The following TBCK variants were observed in gnomAD, a reference collection of about 807,000 sequenced individuals.
TBCK encodes the protein TBC1 domain containing kinase.
TBCK carries 99 observed loss-of-function variants against 113.4 expected under a neutral mutation model. The ratio of observed to expected loss-of-function variants is 0.87; its 90% CI spans 0.74 to 1.03. TBCK has a LOEUF of 1.03. Among genes scored for constraint, TBCK ranks in the 50% least tolerant of loss-of-function variants. TBCK has a pLI of 0.00. For missense variants in TBCK, 1,045 were observed against 1,061.3 expected (o/e 0.98, Z 0.21); for synonymous variants, 369 against 370.8 (o/e 1.00, Z 0.05).
chr4:106,294,567 C>T (rs948179634), intron 3 of TBCK, among the ~76,000 whole-genome samples: 5 of 152,032 alleles, frequency 3.3e-5, no homozygotes, highest in Non-Finnish European at 5.9e-5. Context: ...CCGTAAGCTC[C>T]GCCTCCTGGG....
intron 22 of TBCK, among the ~76,000 whole-genome samples, chr4:106,173,824 T>C (rs936706079): frequency 1.3e-5 from 2 of 152,084 alleles, no homozygotes; most frequent in Admixed American, 6.6e-5. Flanking sequence ...CAATTACTCC[T>C]ACAAAGTAAT....
At chr4:106,110,629 A>G (rs1367432958) in intron 24 of TBCK, among the ~76,000 whole-genome samples, 1 of 152,186 alleles carries the variant, frequency 6.6e-6, no homozygotes, top group Non-Finnish European at 1.5e-5. Context: ...GAGATCTGGG[A>G]ACAAGTGGGT....
chr4:106,251,973 G>A lies in TBCK; in HGVS notation c.490C>T (p.Gln164Ter). ...TGATCAGTGGTTTTGAAAATTCCCT[G>A]TGCAATTACCTCAGGGGCCAAGTAC... Reference protein sequence around the residue: ...PSYLAPEVIAQGIFKTTDHMP... With the variant: ...PSYLAPEVIA The change falls in exon 6 of 26, where the codon CAG (glutamine) becomes TAG (stop). Residue 164 changes from glutamine to a stop codon, truncating the protein, a stop_gained. Transcript: ENST00000394708. LOFTEE classifies it high-confidence loss of function. 3 of 1,611,308 alleles carry A rather than the reference G, an allele frequency of 1.9e-6. No individual in the cohort carries two copies. The highest frequency in any genetic ancestry group is 2.5e-6 in the Non-Finnish European group (3 of 1,178,292).
intron 2 of TBCK, among the ~76,000 whole-genome samples, chr4:106,303,640 G>C (rs905929706): frequency 6.6e-6 from 1 of 152,078 alleles, no homozygotes; most frequent in Non-Finnish European, 1.5e-5. Flanking sequence ...GCCATGATAG[G>C]ACTTAGGGTC....
chr4:106,149,378 G>A (rs1748214997), intron 23 of TBCK, among the ~76,000 whole-genome samples: 2 of 152,174 alleles, frequency 1.3e-5, no homozygotes, highest in Non-Finnish European at 2.9e-5. Context: ...TCCTCACTAA[G>A]CTTAATCATT....
intron 23 of TBCK, among the ~76,000 whole-genome samples, chr4:106,157,784 T>G (rs546492084): frequency 6.6e-6 from 1 of 152,260 alleles, no homozygotes; most frequent in East Asian, 1.9e-4. Context: ...TTGGTTCTTA[T>G]GAAGGTGCTT....
At chr4:106,079,122 A>T (rs911100635) in intron 25 of TBCK, among the ~76,000 whole-genome samples, 6 of 152,342 alleles carry the variant, frequency 3.9e-5, no homozygotes, top group South Asian at 2.1e-4. Flanking sequence ...AAAATTAAAC[A>T]TCCCTTCATG....
intron 19 of TBCK, among the ~76,000 whole-genome samples, chr4:106,224,442 C>T (rs946217678): frequency 3.3e-4 from 50 of 151,808 alleles, no homozygotes; most frequent in African/African-American, 1.0e-3. Flanking sequence ...TAGTTTCTTA[C>T]GACTTAGGAT....
chr4:106,290,319 A>G (rs1386936220), intron 3 of TBCK, among the ~76,000 whole-genome samples: 2 of 152,030 alleles, frequency 1.3e-5, no homozygotes, highest in African/African-American at 2.4e-5. Context: ...CTGGGACTAC[A>G]GGCGCCTGCC....
chr4:106,193,230 G>A (rs960829235), intron 22 of TBCK, among the ~76,000 whole-genome samples: 1 of 152,244 alleles, frequency 6.6e-6, no homozygotes, highest in Admixed American at 6.5e-5. Context: ...TTTGTGAATT[G>A]TATCTTTTTA....
chr4:106,257,720 A>T (rs1762139100), intron 5 of TBCK, among the ~76,000 whole-genome samples: 1 of 152,022 alleles, frequency 6.6e-6, no homozygotes, highest in Non-Finnish European at 1.5e-5. Flanking sequence ...GCAGCACTAG[A>T]CTAGATGTTA....
Position 106,179,451 on chromosome 4 carries a change from ATT to A in TBCK, c.2060-8183_2060-8182del, listed in dbSNP as rs1221737881. Reference sequence around the variant, plus strand: ...GGTATATTTCCATTTTCATTTGCACATTTTCTGTTAAATACAGGAATACTATA... The same window carrying A: ...GGTATATTTCCATTTTCATTTGCACATTCTGTTAAATACAGGAATACTATA... On this transcript the variant is annotated intron_variant, in intron 22 of 25. Transcript: ENST00000394708. 3.3e-5 allele frequency among the ~76,000 whole-genome samples: 5 copies of A among 151,844 alleles called. No individual in the cohort carries two copies. The East Asian group carries it at 9.7e-4, about 30-fold the overall frequency.
rs749049329 is a variant in TBCK at position 106,248,980 on chromosome 4, A to C, written c.661T>G (p.Cys221Gly). 3.1e-6 allele frequency: 5 copies of C among 1,599,200 alleles called. No individual in the cohort carries two copies. In the South Asian group the frequency reaches 5.7e-5, roughly 18 times the overall value. Residue 221 changes from cysteine (C) to glycine (G), a missense_variant and splice_region_variant, in exon 8 of 26, where the codon TGT becomes GGT. Transcript: ENST00000394708. ...AGAACTATTAAAGTGTCATCTACAC[A>C]ATCTATAAAACAGAAAAACTATATG... ...ERLKFLLTLD[C>G]VDDTLIVLAE...
chr4:106,103,311 C>T (rs1741761376), intron 24 of TBCK, among the ~76,000 whole-genome samples: 1 of 152,078 alleles, frequency 6.6e-6, no homozygotes, highest in Admixed American at 6.5e-5. Flanking sequence ...CACACAGGTG[C>T]TGAAGGTAAT....
At chr4:106,110,840 G>A (rs1742763501) in intron 24 of TBCK, among the ~76,000 whole-genome samples, 1 of 152,114 alleles carries the variant, frequency 6.6e-6, no homozygotes, top group Admixed American at 6.5e-5. Context: ...AAGAGGAAAT[G>A]GAGGTTTTGC....
chr4:106,229,582 T>C (rs191201669), intron 19 of TBCK, among the ~76,000 whole-genome samples: 1 of 152,130 alleles, frequency 6.6e-6, no homozygotes, highest in East Asian at 1.9e-4. Context: ...GGGTTCTCTA[T>C]TCTGTTCTAT....
chr4:106,146,592 A>G (rs1200544638), intron 23 of TBCK, among the ~76,000 whole-genome samples: 2 of 152,186 alleles, frequency 1.3e-5, no homozygotes, highest in Admixed American at 1.3e-4. Context: ...ACCTAAAATA[A>G]TAGTTAAAAA....
Position 106,049,084 on chromosome 4 carries a change from T to C in TBCK, c.2572-2404A>G, listed in dbSNP as rs866127345. Reference sequence around the variant, plus strand: ...GCTCTGCTGTGTTTTCAATTATCCATGTTAAATACTGGCCCCTGGCAGTGA... The same window carrying C: ...GCTCTGCTGTGTTTTCAATTATCCACGTTAAATACTGGCCCCTGGCAGTGA... On this transcript the variant is annotated intron_variant, in intron 25 of 25. Transcript: ENST00000394708. Among the ~76,000 whole-genome samples, 199 of 152,270 alleles carry C rather than the reference T, an allele frequency of 1.3e-3. 1 individual carries two copies. The highest frequency in any genetic ancestry group is 4.4e-3 in the African/African-American group (183 of 41,572).
intron 2 of TBCK, among the ~76,000 whole-genome samples, chr4:106,296,700 T>C (rs1392591562): frequency 6.6e-6 from 1 of 152,008 alleles, no homozygotes; most frequent in African/African-American, 2.4e-5. Flanking sequence ...GTGAATATTA[T>C]CATTTTCAGA....
Sources: allele counts gnomAD v4.1 joint callset (sites outside exome capture counted in the v4.1 genomes callset), GRCh38; gene constraint gnomAD v4.1.1; transcripts MANE v1.5; gene names NCBI Gene and HGNC (gene_info 2026-07-23, HGNC 2026-07-21).